The following FGF14 variants were observed in gnomAD, a reference collection of about 807,000 sequenced individuals.
The protein encoded by FGF14 is fibroblast growth factor 14.
A neutral mutation model predicts 25.5 loss-of-function variants in FGF14; 5 were observed. The ratio of observed to expected loss-of-function variants is 0.20; its 90% confidence interval spans 0.10 to 0.41. The LOEUF (loss-of-function observed/expected upper bound fraction) is 0.41. FGF14 is among the 10% of genes least tolerant of loss of function. The probability of loss-of-function intolerance (pLI) is 1.00; values close to 1 mark genes in which losing one functional copy is unlikely to be tolerated. For synonymous variants in FGF14, 138 were observed against 118.3 expected, an observed-to-expected ratio of 1.17 and a Z score of -1.08; for missense variants, 222 against 320.1, an observed-to-expected ratio of 0.69 and a Z score of 2.34.
At chr13:102,396,329 C>T (rs969774505) in intron 1 of FGF14, among the ~76,000 whole-genome samples, 5 of 152,202 alleles carry the variant, frequency 3.3e-5, no homozygotes, top group African/African-American at 1.2e-4. Context: ...TCCTGTTAGA[C>T]TGTTCAAACA....
intron 1 of FGF14, among the ~76,000 whole-genome samples, chr13:101,945,140 G>A (rs2035720231): frequency 6.6e-6 from 1 of 152,108 alleles, no homozygotes; most frequent in Non-Finnish European, 1.5e-5. Context: ...CCAACATGGA[G>A]AAACCCCATC....
intron 1 of FGF14, among the ~76,000 whole-genome samples, chr13:101,922,664 GGA>G (rs1302998111): frequency 9.2e-5 from 14 of 152,006 alleles, no homozygotes; most frequent in African/African-American, 3.4e-4. Context: ...CTCGAAGTGA[GGA>G]GAGTATACAA....
At chr13:102,207,601 G>T (rs2140907978) in intron 1 of FGF14, among the ~76,000 whole-genome samples, 1 of 117,334 alleles carries the variant, frequency 8.5e-6, no homozygotes, top group Non-Finnish European at 1.7e-5. Flanking sequence ...ATCTGTCCTT[G>T]AGAAAAAAGG....
rs548365627 is a variant in FGF14 at position 102,001,838 on chromosome 13, A to G, written c.209-126542T>C. On this transcript the variant is annotated intron_variant, in intron 1 of 4. Transcript: ENST00000376131. The stretch of plus-strand genomic sequence containing the variant: ...TGCAAGAAAACCAGAGAAAGAGAAG[A>G]GCAAAAAGATTAATTCCAAGGGAGG... Among the ~76,000 whole-genome samples the G allele has an allele frequency of 3.9e-5, 6 of 152,318 alleles. No individual in the cohort carries two copies. In the South Asian group the frequency reaches 1.2e-3, roughly 32 times the overall value.
intron 1 of FGF14, among the ~76,000 whole-genome samples, chr13:102,359,635 A>G (rs2057512294): frequency 6.6e-6 from 1 of 152,148 alleles, no homozygotes; most frequent in African/African-American, 2.4e-5. Context: ...ACAGTGGTTT[A>G]GTTAAAGTTA....
intron 1 of FGF14, among the ~76,000 whole-genome samples, chr13:102,150,923 T>C (rs2047056751): frequency 1.3e-5 from 2 of 152,320 alleles, no homozygotes; most frequent in South Asian, 4.1e-4. Context: ...GCTGAGAAAC[T>C]GGCCCAACTG....
chr13:101,878,484 T>C (rs1053325366), intron 1 of FGF14, among the ~76,000 whole-genome samples: 1 of 152,214 alleles, frequency 6.6e-6, no homozygotes, highest in African/African-American at 2.4e-5. Context: ...TTATAAGTTA[T>C]ATTATCTAGT....
chr13:101,976,161 CAAACAGTG>C (rs1455681344), intron 1 of FGF14, among the ~76,000 whole-genome samples: 1 of 9,086 alleles, frequency 1.1e-4, no homozygotes, highest in Non-Finnish European at 2.0e-4. Context: ...GTTCAGTGCT[CAAACAGTG>C]AAAGGTAATT....
At chr13:102,370,127 A>C (rs1008895854) in intron 1 of FGF14, among the ~76,000 whole-genome samples, 4 of 151,460 alleles carry the variant, frequency 2.6e-5, no homozygotes, top group African/African-American at 9.7e-5. Context: ...GAGTAGCTGG[A>C]ATGACAGGCA....
upstream of FGF14, among the ~76,000 whole-genome samples, chr13:101,921,801 C>G (rs1455113305): frequency 6.6e-6 from 1 of 152,200 alleles, no homozygotes; most frequent in Non-Finnish European, 1.5e-5. Context: ...TATGACAGGA[C>G]TTTTATACTT....
intron 1 of FGF14, among the ~76,000 whole-genome samples, chr13:102,076,966 T>C (rs1055334901): frequency 1.3e-5 from 2 of 152,004 alleles, no homozygotes; most frequent in African/African-American, 4.8e-5. Flanking sequence ...ATATAGAGCA[T>C]AGAAATAAAA....
chr13:101,975,637 A>T (rs1034879516), intron 1 of FGF14, among the ~76,000 whole-genome samples: 7 of 152,180 alleles, frequency 4.6e-5, no homozygotes, highest in Admixed American at 3.3e-4. Context: ...TTGTATTGAC[A>T]GGGTTTTAAA....
At chr13:101,883,386 T>C (rs2045818711) in intron 1 of FGF14, among the ~76,000 whole-genome samples, 1 of 152,264 alleles carries the variant, frequency 6.6e-6, no homozygotes, top group Admixed American at 6.5e-5. Context: ...GGAGGAGAAA[T>C]CCTTTCTATG....
Position 102,317,291 on chromosome 13 carries a change from G to A in FGF14, c.208+84180C>T, listed in dbSNP as rs533790728. ...ACCATACATAAACATTTGCAAGATC[G>A]ATTCAGTAATTTATATTCTTTCGTT... On this transcript the variant is annotated intron_variant, in intron 1 of 4. Coordinates refer to the FGF14 transcript ENST00000376131. Among the ~76,000 whole-genome samples the A allele has an allele frequency of 6.6e-5, 10 of 152,074 alleles. No individual in the cohort carries two copies. In the South Asian group the frequency reaches 1.4e-3, roughly 22 times the overall value.
rs114907928 is a variant in FGF14, at chr13:101,903,418, A to G, written c.193+13035T>C. On this transcript the variant is annotated intron_variant, in intron 1 of 4. Coordinates refer to ENST00000376143, the MANE Select transcript of FGF14 (RefSeq NM_004115.4). Reference sequence around the variant, plus strand: ...AATTTTTAAAAATAATTCTGTACAGATTCGAACCCTAGAAGAAAATAATGA... The same window carrying G: ...AATTTTTAAAAATAATTCTGTACAGGTTCGAACCCTAGAAGAAAATAATGA... 8.2e-3 allele frequency among the ~76,000 whole-genome samples: 1,249 copies of G among 152,262 alleles called. 13 individuals carry two copies. Among genetic ancestry groups the G allele is most frequent in the African/African-American group, 0.028 (1,176 of 41,560 alleles).
At chr13:102,018,915 T>C (rs1028540492) in intron 1 of FGF14, among the ~76,000 whole-genome samples, 2 of 152,172 alleles carry the variant, frequency 1.3e-5, no homozygotes, top group African/African-American at 4.8e-5. Flanking sequence ...GTATGGGGCT[T>C]GCACATGTAC....
At chr13:101,951,129 G>A (rs1020515399) in intron 1 of FGF14, among the ~76,000 whole-genome samples, 3 of 152,108 alleles carry the variant, frequency 2.0e-5, no homozygotes, top group African/African-American at 7.2e-5. Context: ...CAGATAAATG[G>A]CTATTTGACA....
intron 1 of FGF14, among the ~76,000 whole-genome samples, chr13:102,119,194 C>A (rs1220066667): frequency 6.6e-6 from 1 of 152,186 alleles, no homozygotes; most frequent in African/African-American, 2.4e-5. Flanking sequence ...TCTCATCAAG[C>A]ATTTACGCTT....
intron 1 of FGF14, among the ~76,000 whole-genome samples, chr13:102,313,961 T>G (rs79499624): frequency 0.015 from 2,263 of 152,232 alleles, 59 homozygotes; most frequent in African/African-American, 0.052. Flanking sequence ...AATGCAGCCA[T>G]TACGAAACAA....
Sources: allele counts gnomAD v4.1 joint callset (sites outside exome capture counted in the v4.1 genomes callset), GRCh38; gene constraint gnomAD v4.1.1; transcripts MANE v1.5; gene names NCBI Gene and HGNC (gene_info 2026-07-23, HGNC 2026-07-21).